The following LAMA2 variants were observed in gnomAD, a reference collection of about 807,000 sequenced individuals.
The protein encoded by LAMA2 is laminin subunit alpha 2, also known as laminin subunit alpha-2.
LAMA2 carries 269 observed loss-of-function variants against 364.8 expected under a neutral mutation model. The ratio of observed to expected loss-of-function variants is 0.74; its 90% CI spans 0.67 to 0.82. The LOEUF (loss-of-function observed/expected upper bound fraction) is 0.82, where lower values mean the gene tolerates loss of function less well. Among genes scored for constraint, LAMA2 ranks in the 40% least tolerant of loss-of-function variants. The pLI is 0.00. For synonymous variants in LAMA2, 1,379 were observed against 1,370.6 expected, an observed-to-expected ratio of 1.01 and a Z score of -0.14; for missense variants, 3,807 against 3,873.2, an observed-to-expected ratio of 0.98 and a Z score of 0.45.
Position 128,883,146 on chromosome 6 carries a change from C to T in LAMA2, c.-100C>T. The T allele has an allele frequency of 1.7e-6, 2 of 1,206,266 alleles. No homozygotes were observed. Among genetic ancestry groups the T allele is most frequent in the Non-Finnish European group, 2.4e-6 (2 of 849,236 alleles). 74.7% of individuals were successfully genotyped at this position (1,206,266 alleles called of 1,614,324 possible). The stretch of plus-strand genomic sequence containing the variant: ...GAGGGGGCTGTCTCCTCCTCTTCCC[C>T]AGCAGCTGCTGCTCGCTCAGCTCAC... On this transcript the variant is annotated 5_prime_UTR_variant, in exon 1 of 65. Coordinates refer to ENST00000421865, the MANE Select transcript of LAMA2 (RefSeq NM_000426.4).
intron 12 of LAMA2, among the ~76,000 whole-genome samples, chr6:129,211,934 T>A (rs1783125769): frequency 6.6e-6 from 1 of 152,208 alleles, no homozygotes; most frequent in African/African-American, 2.4e-5. Flanking sequence ...AATAATTCTT[T>A]GTTGAGTGAA....
chr6:129,097,549 G>T (rs942886675), intron 3 of LAMA2, among the ~76,000 whole-genome samples: 3 of 152,006 alleles, frequency 2.0e-5, no homozygotes, highest in African/African-American at 4.8e-5. Flanking sequence ...CATTTAATGT[G>T]TTTCAGGTTC....
At chr6:129,007,654 C>T (rs1273243372) in intron 1 of LAMA2, among the ~76,000 whole-genome samples, 1 of 152,180 alleles carries the variant, frequency 6.6e-6, no homozygotes, top group East Asian at 1.9e-4. Flanking sequence ...ATTTTCTTCA[C>T]TAATGGGGAT....
chr6:128,959,692 C>T (rs1407807440), intron 1 of LAMA2, among the ~76,000 whole-genome samples: 1 of 152,110 alleles, frequency 6.6e-6, no homozygotes, highest in Non-Finnish European at 1.5e-5. Flanking sequence ...TTTTTGCAAA[C>T]TGCCCCTGCC....
At chr6:129,182,413 T>C (rs879461229) in intron 10 of LAMA2, among the ~76,000 whole-genome samples, 1 of 151,636 alleles carries the variant, frequency 6.6e-6, no homozygotes, top group African/African-American at 2.4e-5. Context: ...ACTCTTACAA[T>C]GTATAGAGAA....
chr6:128,961,694 C>G (rs1369878898), intron 1 of LAMA2, among the ~76,000 whole-genome samples: 1 of 151,770 alleles, frequency 6.6e-6, no homozygotes, highest in Non-Finnish European at 1.5e-5. Context: ...TCTGCCTTTC[C>G]CAGCCCACTG....
intron 58 of LAMA2, among the ~76,000 whole-genome samples, chr6:129,500,412 G>A (rs893538828): frequency 6.6e-6 from 1 of 152,170 alleles, no homozygotes. Context: ...ATGTTAGAGT[G>A]ATCAGTTTGG....
intron 32 of LAMA2, among the ~76,000 whole-genome samples, chr6:129,355,948 A>G (rs1036034406): frequency 6.6e-6 from 1 of 152,152 alleles, no homozygotes; most frequent in Admixed American, 6.5e-5. Context: ...AAAGGAATCT[A>G]TACACTCACT....
At position 129,260,579 on chromosome 6, in the gene LAMA2, G is replaced by C; in HGVS notation, c.2097-132G>C. On this transcript the variant is annotated intron_variant, in intron 14 of 64. Transcript: ENST00000421865. ...ACAAAGGACCAGAGCTTTTGGTTAT[G>C]GTATTCATCAGCTTCCTTTCTCAGC... is the stretch of plus-strand genomic sequence containing the variant. 5.5e-6 allele frequency: 4 copies of C among 733,604 alleles called. No homozygotes were observed. The South Asian group carries it at 5.6e-5, about 10-fold the overall frequency. The allele number at this position is 733,604 out of a possible 1,614,324, so 45.4% of individuals were successfully genotyped here. A position where few individuals can be genotyped will look rare whatever the true frequency, so the allele number is the denominator to read the frequency against.
intron 18 of LAMA2, among the ~76,000 whole-genome samples, chr6:129,282,477 G>T (rs1788788340): frequency 6.6e-6 from 1 of 152,072 alleles, no homozygotes; most frequent in African/African-American, 2.4e-5. Context: ...CTCTCTCCCA[G>T]CTAGAATCAA....
In LAMA2 at chr6:129,516,290, T is replaced by C. The variant is rs1787070085; in HGVS notation, c.9312T>C (p.Asn3104=). ...GCACAGGCAAGCCACTGGAGGTTAA[T>C]TTTGCCAAGGCCCTGGAACTGAGGG... ...TKGTGKPLEV[N]FAKALELRGV... The change falls in exon 65 of 65, where the codon AAT becomes AAC. Residue 3104 remains asparagine (N), a synonymous_variant. Coordinates refer to ENST00000421865, the MANE Select transcript of LAMA2 (RefSeq NM_000426.4). 3.1e-6 allele frequency: 5 copies of C among 1,613,934 alleles called. No individual in the cohort carries two copies. The African/African-American group carries it at 5.3e-5, about 17-fold the overall frequency.
chr6:129,240,164 C>T (rs140463348), intron 12 of LAMA2, among the ~76,000 whole-genome samples: 37 of 152,268 alleles, frequency 2.4e-4, no homozygotes, highest in South Asian at 8.3e-4. Flanking sequence ...TAGAAGACTG[C>T]GCAATTCTAG....
Position 129,460,212 on chromosome 6 carries a change from G to T in LAMA2, c.6880G>T (p.Val2294Leu), listed in dbSNP as rs897739893. The T allele has an allele frequency of 1.4e-5, 22 of 1,612,016 alleles. No homozygotes were observed. The highest frequency in any genetic ancestry group is 1.9e-5 in the Non-Finnish European group (22 of 1,178,502). The change falls in exon 49 of 65, where the codon GTA (valine) becomes TTA (leucine). Residue 2294 changes from valine (V) to leucine (L), a missense_variant. Physicochemically the swap from Val to Leu is conservative, Grantham distance 32 (BLOSUM62 1). Transcript: ENST00000421865. Reference sequence around the variant, plus strand: ...TTTCTTTCTGCAGAAGGCTGATGCTGTACGTGTGATTACATTCACTGGCTG... The same window carrying T: ...TTTCTTTCTGCAGAAGGCTGATGCTTTACGTGTGATTACATTCACTGGCTG... ...LTGKLKKADA[V>L]RVITFTGCMG...
At chr6:129,082,248 G>A (rs1409227771) in intron 3 of LAMA2, among the ~76,000 whole-genome samples, 2 of 152,012 alleles carry the variant, frequency 1.3e-5, no homozygotes, top group African/African-American at 2.4e-5. Flanking sequence ...ATAATGCATT[G>A]CTTTGCTCAA....
intron 1 of LAMA2, among the ~76,000 whole-genome samples, chr6:129,011,347 A>G (rs1325739610): frequency 6.6e-6 from 1 of 152,206 alleles, no homozygotes; most frequent in Non-Finnish European, 1.5e-5. Context: ...CATTTATAGT[A>G]CCAAGTCCCT....
chr6:129,128,371 C>G (rs1173125230), intron 4 of LAMA2, among the ~76,000 whole-genome samples: 1 of 152,060 alleles, frequency 6.6e-6, no homozygotes, highest in East Asian at 1.9e-4. Flanking sequence ...TTTGCCAGTA[C>G]CATGCTATTT....
chr6:129,232,219 A>G (rs1583305068), intron 12 of LAMA2, among the ~76,000 whole-genome samples: 1 of 152,080 alleles, frequency 6.6e-6, no homozygotes, highest in South Asian at 2.1e-4. Context: ...AAGTTTTACT[A>G]AATTTATTTT....
intron 1 of LAMA2, chr6:128,929,165 A>G: frequency 1.4e-6 from 2 of 1,451,830 alleles, no homozygotes; most frequent in East Asian, 2.3e-5. Context: ...TGGCCGGTAG[A>G]TAAAATGAAT....
chr6:129,421,233 C>T lies in LAMA2; in HGVS notation c.5866-6519C>T, dbSNP rs189733181. Among the ~76,000 whole-genome samples, 436 of 152,012 alleles carry T rather than the reference C, an allele frequency of 2.9e-3. 3 individuals are homozygous for T. Among genetic ancestry groups the T allele is most frequent in the African/African-American group, 1.0e-2 (413 of 41,472 alleles). On this transcript the variant is annotated intron_variant, in intron 40 of 64. Transcript: ENST00000421865. ...TTAAATTATCTCACATTTTCTTAAA[C>T]AATTATTAACTAATAAAAACATACA...
Sources: allele counts gnomAD v4.1 joint callset (sites outside exome capture counted in the v4.1 genomes callset), GRCh38; gene constraint gnomAD v4.1.1; transcripts MANE v1.5; gene names NCBI Gene and HGNC (gene_info 2026-07-23, HGNC 2026-07-21).